The following FAM153A variants were observed in gnomAD, a reference collection of about 807,000 sequenced individuals.
The protein encoded by FAM153A is family with sequence similarity 153 member A.
A neutral mutation model predicts 48.1 loss-of-function variants in FAM153A; 12 were observed. That is an observed-to-expected ratio of 0.25 (90% CI 0.16 to 0.40). The LOEUF (loss-of-function observed/expected upper bound fraction) is 0.40. Ranked by LOEUF, FAM153A falls within the 10% of genes least tolerant of loss-of-function variation. The probability of loss-of-function intolerance (pLI) is 1.00; values close to 1 mark genes in which losing one functional copy is unlikely to be tolerated. For synonymous variants in FAM153A, 36 were observed against 118.2 expected (o/e 0.30, Z 4.51); for missense variants, 111 against 345.8 (o/e 0.32, Z 5.38).
In FAM153A at chr5:177,767,921, A is replaced by G. The variant is rs1212451111; in HGVS notation, c.-57+12528T>C. On this transcript the variant is annotated intron_variant, in intron 1 of 8. Coordinates refer to the FAM153A transcript ENST00000393518. ...AACAAGTAAGCAATCATTTCTGCAG[A>G]TGACACAAACTGGGCATCCTCTAAG... Among the ~76,000 whole-genome samples the G allele has an allele frequency of 2.1e-5, 2 of 93,116 alleles. 1 individual carries two copies. Among genetic ancestry groups the G allele is most frequent in the African/African-American group, 8.1e-5 (2 of 24,608 alleles). The allele number at this position is 93,116 out of a possible 152,430, so 61.1% of individuals were successfully genotyped here. A position where few individuals can be genotyped will look rare whatever the true frequency, so the allele number is the denominator to read the frequency against.
At chr5:177,732,445 C>G (rs1478075110) in intron 14 of FAM153A, among the ~76,000 whole-genome samples, 2 of 88,562 alleles carry the variant, frequency 2.3e-5, no homozygotes, top group African/African-American at 7.7e-5. Context: ...TTTATCCCCT[C>G]GAGGTCATTT....
chr5:177,768,530 TC>T (rs1179372169), intron 1 of FAM153A, among the ~76,000 whole-genome samples: 1 of 136,984 alleles, frequency 7.3e-6, no homozygotes, highest in Non-Finnish European at 1.5e-5. Flanking sequence ...CAAAAAAACA[TC>T]ACTTTGGAAA....
At chr5:177,708,717 C>T (rs1314695321), downstream of FAM153A, among the ~76,000 whole-genome samples, 1 of 151,764 alleles carries the variant, frequency 6.6e-6, no homozygotes, top group Non-Finnish European at 1.5e-5. Flanking sequence ...GAATGGTTTT[C>T]TGGAAAGACG....
chr5:177,741,197 T>A, intron 7 of FAM153A, 59 bp downstream of exon 9: 1 of 294,708 alleles, frequency 3.4e-6, no homozygotes, highest in African/African-American at 3.8e-5. Context: ...CTTATCTCAA[T>A]TTCTATGGAA....
downstream of FAM153A, among the ~76,000 whole-genome samples, chr5:177,705,658 CTTTTTTT>C (rs70994931): frequency 2.1e-4 from 17 of 79,834 alleles, 1 homozygote; most frequent in African/African-American, 6.4e-4. Flanking sequence ...TTTTCTTTTT[CTTTTTTT>C]TTTTTTTTTT....
At chr5:177,753,926 G>T (rs879426260), upstream of FAM153A, among the ~76,000 whole-genome samples, 20 of 151,892 alleles carry the variant, frequency 1.3e-4, no homozygotes, top group African/African-American at 2.9e-4. Flanking sequence ...AGAATACGAA[G>T]GATTTCTGCA....
rs200768706 is a variant in FAM153A at position 177,716,064 on chromosome 5, G to GC, written c.*1222+280dup. 1.9e-3 allele frequency among the ~76,000 whole-genome samples: 290 copies of GC among 150,464 alleles called. 2 individuals are homozygous for GC. The highest frequency in any genetic ancestry group is 6.8e-3 in the African/African-American group (276 of 40,594). ...AGTGGCGCAATCTTAGCTCACTGTA[G>GC]CCCCCACCTCCCAGGTTCAAGTGAT... On this transcript the variant is annotated intron_variant and NMD_transcript_variant, in intron 25 of 26. Transcript: ENST00000360669.
downstream of FAM153A, among the ~76,000 whole-genome samples, chr5:177,704,251 C>A (rs560716608): frequency 1.3e-5 from 1 of 77,280 alleles, no homozygotes; most frequent in East Asian, 3.5e-4. Flanking sequence ...GTGATTGGAC[C>A]CTGGAGGCGG....
At chr5:177,781,264 A>AT (rs1303137176), upstream of FAM153A, among the ~76,000 whole-genome samples, 3,790 of 75,400 alleles carry the variant, frequency 0.05, 71 homozygotes, top group South Asian at 0.073. Context: ...ACGCCCGGCT[A>AT]TTTTTTTTTT....
chr5:177,746,656 C>G (rs1192091316), intron 4 of FAM153A, among the ~76,000 whole-genome samples: 7 of 149,292 alleles, frequency 4.7e-5, no homozygotes, highest in African/African-American at 1.5e-4. Context: ...TCTTTTAACA[C>G]TGTGTGTGTG....
At chr5:177,749,861 A>G (rs1288660360) in intron 2 of FAM153A, among the ~76,000 whole-genome samples, 1 of 142,006 alleles carries the variant, frequency 7.0e-6, no homozygotes, top group Admixed American at 7.5e-5. Flanking sequence ...AATGGAAAAC[A>G]TAGTCTTACC....
Position 177,766,163 on chromosome 5 carries a change from AT to A in FAM153A, c.-57+14285del, listed in dbSNP as rs1768743173. ...ACAAACAGAAAAACATGCCAATAGG[AT>A]AAAAAAAAAAAAGAAAGACAAGTAC... On this transcript the variant is annotated intron_variant, in intron 1 of 8. Transcript: ENST00000393518. 2.1e-5 allele frequency among the ~76,000 whole-genome samples: 2 copies of A among 94,804 alleles called. 1 individual carries two copies. The highest frequency in any genetic ancestry group is 8.1e-5 in the African/African-American group (2 of 24,770). 62.2% of individuals were successfully genotyped at this position (94,804 alleles called of 152,430 possible).
downstream of FAM153A, among the ~76,000 whole-genome samples, chr5:177,708,300 G>C (rs561192094): frequency 1.1e-5 from 1 of 91,274 alleles, no homozygotes; most frequent in East Asian, 3.2e-4. Flanking sequence ...TCATGGGCAG[G>C]CATGGTGGCT....
chr5:177,700,528 C>T, the FAM153A span, among the ~76,000 whole-genome samples: 6 of 151,852 alleles, frequency 4.0e-5, no homozygotes, highest in Admixed American at 2.0e-4. Flanking sequence ...TGTGGCTGGG[C>T]GTGGTAGCTC....
chr5:177,714,297 C>G (rs1759153594), intron 25 of FAM153A: 1 of 150,552 alleles, frequency 6.6e-6, no homozygotes, highest in Non-Finnish European at 1.5e-5. Flanking sequence ...GAAAACTTAC[C>G]TAAGTTTTCC....
chr5:177,713,450 G>A (rs1327431670), intron 26 of FAM153A, among the ~76,000 whole-genome samples: 1 of 151,274 alleles, frequency 6.6e-6, no homozygotes, highest in Admixed American at 6.6e-5. Flanking sequence ...GTAGAGATGG[G>A]GTTTCACCGT....
At chr5:177,734,721 A>C in intron 13 of FAM153A, 142 bp downstream of exon 15, 1 of 1,323,250 alleles carries the variant, frequency 7.6e-7, no homozygotes, top group South Asian at 1.4e-5. Flanking sequence ...CTCAGTGGGG[A>C]CAGACTCTCA....
At chr5:177,698,454 G>A in the FAM153A span, among the ~76,000 whole-genome samples, 24 of 151,892 alleles carry the variant, frequency 1.6e-4, 1 homozygote, top group Middle Eastern at 3.4e-3. Context: ...ACTTGGACAC[G>A]GTCACTTCTC....
chr5:177,783,144 A>C (rs1769840934), upstream of FAM153A: 5 of 105,646 alleles, frequency 4.7e-5, no homozygotes, highest in Admixed American at 4.9e-4. Context: ...AGACGCCTGG[A>C]GAGTCACTCG....
Sources: gnomAD v4.1 joint callset for allele counts (sites outside exome capture counted in the v4.1 genomes callset) on GRCh38, gnomAD v4.1.1 for gene constraint, MANE v1.5 for transcripts, NCBI Gene and HGNC (gene_info 2026-07-23, HGNC 2026-07-21) for gene names.